Variants in LYRM1 observed in about 807,000 individuals in gnomAD.
LYRM1 encodes the protein LYR motif containing 1.
LYRM1 carries 14 observed loss-of-function variants against 14.9 expected under a neutral mutation model. The ratio of observed to expected loss-of-function variants is 0.94; its 90% CI spans 0.62 to 1.47. LYRM1 has a LOEUF of 1.47. LYRM1 is among the 40% of genes most tolerant of loss of function. The pLI is 0.00. For missense variants in LYRM1, 153 were observed against 149.9 expected, an observed-to-expected ratio of 1.02 and a Z score of -0.11; for synonymous variants, 43 against 56.2, an observed-to-expected ratio of 0.77 and a Z score of 1.05.
At chr16:20,911,745 AG>A (rs1012080426) in intron 1 of LYRM1, among the ~76,000 whole-genome samples, 14 of 151,628 alleles carry the variant, frequency 9.2e-5, no homozygotes, top group South Asian at 6.2e-4. Context: ...AAAAAAGGAG[AG>A]GGGGGGCTGA....
At chr16:20,920,047 G>A in intron 2 of LYRM1, 75 bp from the exon 3 acceptor site, 2 of 930,130 alleles carry the variant, frequency 2.2e-6, no homozygotes, top group Admixed American at 5.7e-5. Flanking sequence ...AAAAAAGTTT[G>A]AGAAAATGTA....
At chr16:20,906,394 T>C (rs546346249) in intron 1 of LYRM1, among the ~76,000 whole-genome samples, 3 of 152,358 alleles carry the variant, frequency 2.0e-5, no homozygotes, top group African/African-American at 7.2e-5. Flanking sequence ...GAGTTTATGA[T>C]TCCCCCTCCT....
chr16:20,920,176 G>C lies in LYRM1; in HGVS notation c.214G>C (p.Glu72Gln), dbSNP rs755315050. 5.9e-5 allele frequency: 95 copies of C among 1,614,026 alleles called. No individual in the cohort carries two copies. The highest frequency in any genetic ancestry group is 7.6e-5 in the Non-Finnish European group (90 of 1,179,982). Reference sequence around the variant, plus strand: ...TATAGATGAATGCACAGCCAGGATTGAAATTGGACTGCATTACAAGATTCC... The same window carrying C: ...TATAGATGAATGCACAGCCAGGATTCAAATTGGACTGCATTACAAGATTCC... ...QCIDECTARI[E>Q]IGLHYKIPYP... The change falls in exon 3 of 4, where the codon GAA becomes CAA. Residue 72 changes from glutamate (E) to glutamine (Q), a missense_variant. Transcript: ENST00000567954.
At chr16:20,915,005 C>T (rs2082801314) in intron 1 of LYRM1, among the ~76,000 whole-genome samples, 3 of 152,266 alleles carry the variant, frequency 2.0e-5, no homozygotes, top group South Asian at 4.1e-4. Context: ...TTGCCGTGTT[C>T]ATAAATGTGG....
chr16:20,911,921 G>C (rs1306679927), intron 1 of LYRM1, among the ~76,000 whole-genome samples: 1 of 151,598 alleles, frequency 6.6e-6, no homozygotes, highest in African/African-American at 2.4e-5. Context: ...TAAGTTGTTG[G>C]GGTTTGCTTG....
chr16:20,913,658 A>C (rs1282399306), intron 1 of LYRM1, among the ~76,000 whole-genome samples: 2 of 152,086 alleles, frequency 1.3e-5, no homozygotes, highest in Admixed American at 6.6e-5. Context: ...GAATTTAAAG[A>C]TACTGGGAAT....
intron 1 of LYRM1, 25 bp from the exon 2 acceptor site, chr16:20,915,531 C>T (rs1596764441): frequency 1.3e-6 from 2 of 1,597,538 alleles, no homozygotes; most frequent in Non-Finnish European, 1.7e-6. Context: ...CAAATTTTCC[C>T]TCTTCTATTT....
At chr16:20,904,856 CCT>C (rs2082245559) in intron 1 of LYRM1, among the ~76,000 whole-genome samples, 1 of 151,796 alleles carries the variant, frequency 6.6e-6, no homozygotes, top group Admixed American at 6.6e-5. Flanking sequence ...AGAAAAGTGC[CCT>C]GAGGGATAAA....
At position 20,924,186 on chromosome 16, in the gene LYRM1, ACTT is replaced by A; in HGVS notation, c.*74_*76del. 1.2e-6 allele frequency: 1 copy of A among 835,462 alleles called. No homozygotes were observed. Among genetic ancestry groups the A allele is most frequent in the Non-Finnish European group, 1.9e-6 (1 of 517,096 alleles). The allele number at this position is 835,462 out of a possible 1,614,324, so 51.8% of individuals were successfully genotyped here. On this transcript the variant is annotated 3_prime_UTR_variant, in exon 4 of 4. Coordinates refer to ENST00000567954, the MANE Select transcript of LYRM1 (RefSeq NM_001128302.3). Reference sequence around the variant, plus strand: ...TTGAATGTAAACCAGATGGCAAAACACTTCTTGATTAGGGGCAAAAATTCAAAT... The same window carrying A: ...TTGAATGTAAACCAGATGGCAAAACACTTGATTAGGGGCAAAAATTCAAAT...
chr16:20,914,455 ATTTTTT>A (rs35172104), intron 1 of LYRM1, among the ~76,000 whole-genome samples: 2 of 132,226 alleles, frequency 1.5e-5, no homozygotes, highest in African/African-American at 5.7e-5. Flanking sequence ...CACCTGGCTA[ATTTTTT>A]TTTTTTTTTT....
In LYRM1 at chr16:20,901,106, C is replaced by T. The variant is rs1253133928; in HGVS notation, c.-1+217C>T. ...GGCTCGCGCGTCCAAGAGGGGAGGCCTGGTGTGGGGACGCTCAGGTGCCGG... is the reference window on the plus strand; with the variant it reads ...GGCTCGCGCGTCCAAGAGGGGAGGCTTGGTGTGGGGACGCTCAGGTGCCGG... On this transcript the variant is annotated intron_variant, in intron 1 of 3. Transcript: ENST00000567954. This position sits in a 1 kb window ranked among gnomAD's most constrained non-coding sequence, Gnocchi z 4.6. 1 of 152,362 alleles carries T rather than the reference C, an allele frequency of 6.6e-6. No homozygotes were observed. The highest frequency in any genetic ancestry group is 2.4e-5 in the African/African-American group (1 of 41,446). The allele number at this position is 152,362 out of a possible 1,614,324, so 9.4% of individuals were successfully genotyped here.
At chr16:20,923,010 G>A (rs1237675854) in intron 3 of LYRM1, among the ~76,000 whole-genome samples, 2 of 152,128 alleles carry the variant, frequency 1.3e-5, no homozygotes, top group Non-Finnish European at 2.9e-5. Context: ...AAAAGGAGCC[G>A]CTTCCCCTTC....
chr16:20,902,894 A>G (rs1425405149), intron 1 of LYRM1, among the ~76,000 whole-genome samples: 1 of 152,092 alleles, frequency 6.6e-6, no homozygotes, highest in Non-Finnish European at 1.5e-5. Flanking sequence ...CAGCCATACA[A>G]TCCAACAGCT....
chr16:20,921,908 T>C lies in LYRM1; in HGVS notation c.252+1694T>C, dbSNP rs2083210512. On this transcript the variant is annotated intron_variant, in intron 3 of 3. Coordinates refer to ENST00000567954, the MANE Select transcript of LYRM1 (RefSeq NM_001128302.3). ...TTCATGTACCTACATTTTCTTTACA[T>C]ATGTAGGATTCTGGATATAATGTTA... is the stretch of plus-strand genomic sequence containing the variant. 2.0e-5 allele frequency: 3 copies of C among 152,162 alleles called. No individual in the cohort carries two copies. The South Asian group carries it at 6.2e-4, about 32-fold the overall frequency. The allele number at this position is 152,162 out of a possible 1,614,324, so 9.4% of individuals were successfully genotyped here.
intron 1 of LYRM1, among the ~76,000 whole-genome samples, chr16:20,913,730 A>G (rs2082719507): frequency 6.6e-6 from 1 of 152,190 alleles, no homozygotes; most frequent in African/African-American, 2.4e-5. Context: ...TCTCTTGGCC[A>G]CATCTTCTGA....
chr16:20,918,654 C>T (rs1168510276), intron 2 of LYRM1, among the ~76,000 whole-genome samples: 2 of 152,176 alleles, frequency 1.3e-5, no homozygotes, highest in Non-Finnish European at 1.5e-5. Flanking sequence ...ATATCTTTGT[C>T]AAGGGCTTTT....
chr16:20,910,549 A>G (rs2082538812), intron 1 of LYRM1, among the ~76,000 whole-genome samples: 2 of 152,252 alleles, frequency 1.3e-5, no homozygotes, highest in South Asian at 4.1e-4. Flanking sequence ...GTATATGATC[A>G]GTTAGAGTTT....
At chr16:20,900,215 A>T (rs1179604390), upstream of LYRM1, 1 of 137,218 alleles carries the variant, frequency 7.3e-6, no homozygotes, top group South Asian at 2.5e-4. Context: ...GCTGCTCCAG[A>T]GGTTCCTCCA....
At chr16:20,915,766 ATTTG>A (rs2082862902) in intron 2 of LYRM1, 52 bp downstream of exon 2, 4 of 1,575,598 alleles carry the variant, frequency 2.5e-6, no homozygotes, top group African/African-American at 1.4e-5. Context: ...TCCTTATGAT[ATTTG>A]TTTATTTCTT....
Sources: allele counts gnomAD v4.1 joint callset (sites outside exome capture counted in the v4.1 genomes callset), GRCh38; gene constraint gnomAD v4.1.1; non-coding constraint Gnocchi (gnomAD v3.1); transcripts MANE v1.5; gene names NCBI Gene and HGNC (gene_info 2026-07-23, HGNC 2026-07-21).